The following SNX13 variants were observed in gnomAD, a reference collection of about 807,000 sequenced individuals.
SNX13 encodes sorting nexin-13.
SNX13 carries 45 observed loss-of-function variants against 133.6 expected under a neutral mutation model. The ratio of observed to expected loss-of-function variants is 0.34; its 90% CI spans 0.27 to 0.43. The LOEUF (loss-of-function observed/expected upper bound fraction) is 0.43. Ranked by LOEUF, SNX13 falls within the 20% of genes least tolerant of loss-of-function variation. The probability of loss-of-function intolerance (pLI) is 1.00; values close to 1 mark genes in which losing one functional copy is unlikely to be tolerated. For synonymous variants in SNX13, 414 were observed against 373.9 expected, an observed-to-expected ratio of 1.11 and a Z score of -1.24; for missense variants, 1,032 against 1,145.1, an observed-to-expected ratio of 0.90 and a Z score of 1.43.
intron 12 of SNX13, among the ~76,000 whole-genome samples, chr7:17,841,758 TA>T (rs1176943792): frequency 6.6e-6 from 1 of 150,910 alleles, no homozygotes; most frequent in African/African-American, 2.4e-5. Flanking sequence ...AAGAAAGATG[TA>T]AAAAAGTCAA....
At chr7:17,930,992 C>T (rs1054289524) in intron 1 of SNX13, among the ~76,000 whole-genome samples, 9 of 152,176 alleles carry the variant, frequency 5.9e-5, no homozygotes, top group African/African-American at 1.9e-4. Context: ...CGTGGAAAAA[C>T]TGTCTTCCAC....
Position 17,886,007 on chromosome 7 carries a change from C to CA in SNX13, c.440+4355dup, listed in dbSNP as rs1019953135. On this transcript the variant is annotated intron_variant, in intron 5 of 25. Transcript: ENST00000428135. ...TAGCAAAGAATATAAAATGGTAAAACAAAAAAAAGGATAAAACTTTGTTGC... is the reference window on the plus strand; with the variant it reads ...TAGCAAAGAATATAAAATGGTAAAACAAAAAAAAAGGATAAAACTTTGTTGC... Among the ~76,000 whole-genome samples the CA allele has an allele frequency of 3.3e-5, 5 of 151,314 alleles. No homozygotes were observed. The East Asian group carries it at 7.7e-4, about 23-fold the overall frequency.
chr7:17,879,914 T>C (rs1446590688), intron 5 of SNX13: 1 of 152,192 alleles, frequency 6.6e-6, no homozygotes, highest in East Asian at 1.9e-4. Context: ...ATTACATCTT[T>C]GAGTCTATGA....
At chr7:17,802,028 A>G (rs1307894444) in intron 21 of SNX13, among the ~76,000 whole-genome samples, 1 of 151,986 alleles carries the variant, frequency 6.6e-6, no homozygotes, top group African/African-American at 2.4e-5. Flanking sequence ...TTGTAATACT[A>G]CATTTTTACT....
chr7:17,849,030 T>C (rs1353363695), intron 11 of SNX13, among the ~76,000 whole-genome samples: 1 of 152,214 alleles, frequency 6.6e-6, no homozygotes, highest in Admixed American at 6.5e-5. Context: ...GATAACATCA[T>C]CCAGGCTCTC....
chr7:17,911,915 G>T (rs190423032), intron 1 of SNX13, among the ~76,000 whole-genome samples: 138 of 152,230 alleles, frequency 9.1e-4, no homozygotes, highest in African/African-American at 3.3e-3. Context: ...AGTTCTTTCA[G>T]GCTTTGAGAG....
chr7:17,884,590 T>TG (rs1562844262), intron 5 of SNX13, among the ~76,000 whole-genome samples: 2 of 152,018 alleles, frequency 1.3e-5, no homozygotes, highest in East Asian at 3.9e-4. Context: ...GTTAATAGAG[T>TG]TCCCACTTGT....
At chr7:17,799,198 T>C in intron 22 of SNX13, 44 bp from the exon 23 acceptor site, 3 of 1,463,774 alleles carry the variant, frequency 2.0e-6, no homozygotes, top group Non-Finnish European at 2.7e-6. Context: ...GTTAGCTATC[T>C]ACTATGAATT....
At chr7:17,889,712 A>C (rs1796423274) in intron 5 of SNX13, 1 of 152,178 alleles carries the variant, frequency 6.6e-6, no homozygotes, top group Admixed American at 6.5e-5. Context: ...CCCATCAAAA[A>C]AAATCAAGCA....
chr7:17,805,189 C>G, intron 20 of SNX13, among the ~76,000 whole-genome samples: 1 of 145,882 alleles, frequency 6.9e-6, no homozygotes, highest in Non-Finnish European at 1.5e-5. Context: ...GAAGTTAAGT[C>G]TCACGTTTGG....
At chr7:17,926,709 A>G (rs1800788814) in intron 1 of SNX13, among the ~76,000 whole-genome samples, 1 of 152,122 alleles carries the variant, frequency 6.6e-6, no homozygotes, top group Admixed American at 6.5e-5. Flanking sequence ...CAACATGGTG[A>G]AACCCCATTT....
intron 20 of SNX13, among the ~76,000 whole-genome samples, chr7:17,808,166 A>G (rs1242091098): frequency 6.6e-6 from 1 of 152,168 alleles, no homozygotes; most frequent in East Asian, 1.9e-4. Flanking sequence ...CCTCTGACCT[A>G]AAGGAGCATG....
Position 17,791,617 on chromosome 7 carries a change from C to T in SNX13, c.*2428G>A, listed in dbSNP as rs971500662. On this transcript the variant is annotated 3_prime_UTR_variant, in exon 26 of 26. Transcript: ENST00000428135. ...AATGATTAATTTCGAAAGTTCTTGCCTAAAGGCACCACTGACTTAAAAAAC... is the reference window on the plus strand; with the variant it reads ...AATGATTAATTTCGAAAGTTCTTGCTTAAAGGCACCACTGACTTAAAAAAC... 2 of 151,990 alleles carry T rather than the reference C, an allele frequency of 1.3e-5. No individual in the cohort carries two copies. The highest frequency in any genetic ancestry group is 2.9e-5 in the Non-Finnish European group (2 of 67,924). 9.4% of individuals were successfully genotyped at this position (151,990 alleles called of 1,614,324 possible).
intron 1 of SNX13, among the ~76,000 whole-genome samples, chr7:17,909,254 G>A (rs1312122626): frequency 1.3e-5 from 2 of 152,166 alleles, no homozygotes; most frequent in African/African-American, 4.8e-5. Context: ...ACTGTTGGTG[G>A]GAGTGTAAAT....
intron 17 of SNX13, among the ~76,000 whole-genome samples, chr7:17,822,031 T>A (rs745531302): frequency 6.6e-6 from 1 of 152,146 alleles, no homozygotes; most frequent in Non-Finnish European, 1.5e-5. Flanking sequence ...AAATTTAATA[T>A]AGAAAAAATA....
intron 15 of SNX13, chr7:17,831,993 G>A (rs540532935): frequency 1.9e-5 from 19 of 983,632 alleles, no homozygotes; most frequent in South Asian, 1.9e-4. Context: ...AAAAGGGATA[G>A]GTAATTTCAC....
intron 9 of SNX13, among the ~76,000 whole-genome samples, chr7:17,855,631 C>T (rs945991613): frequency 9.2e-5 from 14 of 152,212 alleles, no homozygotes; most frequent in African/African-American, 3.1e-4. Context: ...TGTCTGTTTA[C>T]AACACGGTTT....
intron 1 of SNX13, chr7:17,899,418 A>G (rs1359487347): frequency 6.6e-6 from 1 of 151,718 alleles, no homozygotes; most frequent in Admixed American, 6.6e-5. Context: ...CTCTCTCTCT[A>G]CCTCCTCTTT....
At chr7:17,917,420 C>A (rs1356966731) in intron 1 of SNX13, among the ~76,000 whole-genome samples, 1 of 152,162 alleles carries the variant, frequency 6.6e-6, no homozygotes, top group African/African-American at 2.4e-5. Flanking sequence ...TCTAAAGATT[C>A]TGCCAAAAGA....
Sources: gnomAD v4.1 joint callset for allele counts (sites outside exome capture counted in the v4.1 genomes callset) on GRCh38, gnomAD v4.1.1 for gene constraint, MANE v1.5 for transcripts, NCBI Gene and HGNC (gene_info 2026-07-23, HGNC 2026-07-21) for gene names.